ADAMTS20: variants seen among roughly 807,000 people sequenced by gnomAD.
ADAMTS20 encodes the protein ADAM metallopeptidase with thrombospondin type 1 motif 20, also known as A disintegrin and metalloproteinase with thrombospondin motifs 20.
ADAMTS20 carries 225 observed loss-of-function variants against 260.1 expected under a neutral mutation model. The ratio of observed to expected loss-of-function variants is 0.87; its 90% CI spans 0.78 to 0.97. The LOEUF is 0.97. Ranked by LOEUF, ADAMTS20 falls within the 50% of genes least tolerant of loss-of-function variation. The pLI is 0.00. For missense variants in ADAMTS20, 2,400 were observed against 2,337.7 expected, an observed-to-expected ratio of 1.03 and a Z score of -0.55; for synonymous variants, 802 against 769.5, an observed-to-expected ratio of 1.04 and a Z score of -0.70.
rs146293853 is a variant in ADAMTS20 at position 43,506,780 on chromosome 12, CTTTTT to C, written c.614-4380_614-4376del. Among the ~76,000 whole-genome samples, 111 of 141,130 alleles carry C rather than the reference CTTTTT, an allele frequency of 7.9e-4. 1 individual carries two copies. The highest frequency in any genetic ancestry group is 2.7e-3 in the African/African-American group (104 of 38,518). 92.6% of individuals were successfully genotyped at this position (141,130 alleles called of 152,430 possible). On this transcript the variant is annotated intron_variant, in intron 3 of 38. Coordinates refer to ENST00000389420, the MANE Select transcript of ADAMTS20 (RefSeq NM_025003.5). ...GGCGTGAGCCACCGTGCCTGGCCAC[CTTTTT>C]TTTTTTTTTTTTACCACAATTAAAA... is the stretch of plus-strand genomic sequence containing the variant.
At position 43,400,568 on chromosome 12, in the gene ADAMTS20, T is replaced by C. The variant is rs182986264; in HGVS notation, c.4285-1335A>G. Among the ~76,000 whole-genome samples the C allele has an allele frequency of 3.1e-3, 471 of 152,090 alleles. 2 individuals are homozygous for C. Among genetic ancestry groups the C allele is most frequent in the African/African-American group, 0.011 (460 of 41,526 alleles). ...TGAAAATCTCTAATGGATCTTCATA[T>C]GTTGTATTAAGATACATTCTTTCCT... On this transcript the variant is annotated intron_variant, in intron 28 of 38. Transcript: ENST00000389420.
chr12:43,482,784 A>T (rs1158178978), intron 7 of ADAMTS20, among the ~76,000 whole-genome samples: 2 of 152,214 alleles, frequency 1.3e-5, no homozygotes, highest in East Asian at 3.9e-4. Flanking sequence ...TGGGTAACAT[A>T]AGGCAAGCAC....
chr12:43,494,491 A>G (rs1310256789), intron 4 of ADAMTS20, among the ~76,000 whole-genome samples: 1 of 152,216 alleles, frequency 6.6e-6, no homozygotes, highest in Non-Finnish European at 1.5e-5. Context: ...ATGAGCATAA[A>G]TACATAATCC....
intron 11 of ADAMTS20, among the ~76,000 whole-genome samples, chr12:43,458,721 A>C (rs1942009274): frequency 6.6e-6 from 1 of 152,138 alleles, no homozygotes; most frequent in Non-Finnish European, 1.5e-5. Flanking sequence ...GTTTGATGGT[A>C]CTATTATATT....
chr12:43,503,115 C>T (rs934218519), intron 3 of ADAMTS20, among the ~76,000 whole-genome samples: 30 of 142,880 alleles, frequency 2.1e-4, no homozygotes, highest in Non-Finnish European at 9.0e-5. Flanking sequence ...TATGCCTGTG[C>T]GTTTAAATCT....
At chr12:43,436,592 C>T (rs1941560215) in intron 18 of ADAMTS20, among the ~76,000 whole-genome samples, 1 of 152,058 alleles carries the variant, frequency 6.6e-6, no homozygotes, top group Non-Finnish European at 1.5e-5. Context: ...ACACTTACAG[C>T]ACATTTCAAT....
chr12:43,545,096 C>T (rs1386988350), intron 2 of ADAMTS20, among the ~76,000 whole-genome samples: 5 of 152,188 alleles, frequency 3.3e-5, no homozygotes, highest in African/African-American at 7.2e-5. Context: ...CAGTAGCATA[C>T]GGTCCATAGG....
chr12:43,364,175 G>T (rs1390578918), intron 37 of ADAMTS20, among the ~76,000 whole-genome samples: 1 of 152,026 alleles, frequency 6.6e-6, no homozygotes, highest in African/African-American at 2.4e-5. Flanking sequence ...CACTGAAACA[G>T]TTCAGCCAGG....
chr12:43,391,256 A>G (rs190035309), intron 29 of ADAMTS20, among the ~76,000 whole-genome samples: 137 of 152,362 alleles, frequency 9.0e-4, no homozygotes, highest in African/African-American at 3.0e-3. Context: ...GTCAGCTCCT[A>G]AAGTCCCTAC....
Position 43,459,478 on chromosome 12 carries a change from C to T in ADAMTS20, c.1614+3417G>A, listed in dbSNP as rs368355099. On this transcript the variant is annotated intron_variant, in intron 11 of 38. Coordinates refer to ENST00000389420, the MANE Select transcript of ADAMTS20 (RefSeq NM_025003.5). ...GCCAAGAACCCCAGGTCAGAGAAAA[C>T]GAGGCTTGCCGCCATCTTGGAAGTG... Among the ~76,000 whole-genome samples the T allele has an allele frequency of 5.6e-4, 86 of 152,284 alleles. No individual in the cohort carries two copies. In the South Asian group the frequency reaches 0.016, roughly 29 times the overall value.
At chr12:43,360,695 A>G (rs2137184581) in intron 37 of ADAMTS20, among the ~76,000 whole-genome samples, 1 of 152,340 alleles carries the variant, frequency 6.6e-6, no homozygotes, top group African/African-American at 2.4e-5. Flanking sequence ...GGAGACACAG[A>G]CACAACCTAA....
At chr12:43,362,071 T>C (rs1939881589) in intron 37 of ADAMTS20, among the ~76,000 whole-genome samples, 1 of 152,136 alleles carries the variant, frequency 6.6e-6, no homozygotes, top group African/African-American at 2.4e-5. Context: ...ACATCAAATA[T>C]ATGACCAGAA....
At chr12:43,535,863 A>T (rs1274731031) in intron 2 of ADAMTS20, among the ~76,000 whole-genome samples, 1 of 152,070 alleles carries the variant, frequency 6.6e-6, no homozygotes, top group Non-Finnish European at 1.5e-5. Flanking sequence ...AGACTGAACA[A>T]TTGTACAACT....
intron 7 of ADAMTS20, among the ~76,000 whole-genome samples, chr12:43,478,703 A>G (rs1942396790): frequency 6.6e-6 from 1 of 152,178 alleles, no homozygotes; most frequent in South Asian, 2.1e-4. Flanking sequence ...GGCACAACAC[A>G]ATCATATATT....
intron 2 of ADAMTS20, among the ~76,000 whole-genome samples, chr12:43,538,071 T>C (rs7980950): frequency 0.61 from 93,190 of 152,074 alleles, 29,220 homozygotes; most frequent in East Asian, 0.99. Flanking sequence ...AGCTCTACTT[T>C]TAGTTTTCTG....
At chr12:43,503,689 T>C (rs1293593257) in intron 3 of ADAMTS20, among the ~76,000 whole-genome samples, 1 of 152,070 alleles carries the variant, frequency 6.6e-6, no homozygotes, top group African/African-American at 2.4e-5. Context: ...TTACCCCATA[T>C]TTGTTTTTTT....
intron 7 of ADAMTS20, among the ~76,000 whole-genome samples, chr12:43,472,682 C>T (rs1170456853): frequency 7.0e-6 from 1 of 143,782 alleles, no homozygotes; most frequent in Non-Finnish European, 1.5e-5. Context: ...GGCCAATATT[C>T]AACATTCTTA....
At chr12:43,476,914 G>A (rs2137405095) in intron 7 of ADAMTS20, among the ~76,000 whole-genome samples, 1 of 150,364 alleles carries the variant, frequency 6.7e-6, no homozygotes, top group South Asian at 2.1e-4. Flanking sequence ...GTTAGTGGGT[G>A]CAGCACACCA....
At chr12:43,538,909 C>CAGG (rs1339248739) in intron 2 of ADAMTS20, among the ~76,000 whole-genome samples, 1 of 151,160 alleles carries the variant, frequency 6.6e-6, no homozygotes, top group Non-Finnish European at 1.5e-5. Flanking sequence ...TTTTCTCATC[C>CAGG]TATATCCTTG....
Sources: gnomAD v4.1 joint callset for allele counts (sites outside exome capture counted in the v4.1 genomes callset) on GRCh38, gnomAD v4.1.1 for gene constraint, MANE v1.5 for transcripts, NCBI Gene and HGNC (gene_info 2026-07-23, HGNC 2026-07-21) for gene names.